The following RPH3A variants were observed in gnomAD, a reference collection of about 807,000 sequenced individuals.
RPH3A encodes the protein rabphilin-3A.
A neutral mutation model predicts 102.2 loss-of-function variants in RPH3A; 48 were observed. The ratio of observed to expected loss-of-function variants is 0.47; its 90% CI spans 0.37 to 0.60. The LOEUF (loss-of-function observed/expected upper bound fraction) is 0.60, where lower values mean the gene tolerates loss of function less well. Ranked by LOEUF, RPH3A falls within the 20% of genes least tolerant of loss-of-function variation. The pLI, the probability that RPH3A is intolerant of heterozygous loss-of-function variation, is 0.00. For missense variants in RPH3A, 781 were observed against 910.1 expected (o/e 0.86, Z 1.83); for synonymous variants, 310 against 324.3 (o/e 0.96, Z 0.47).
rs560292561 is a variant in RPH3A, at chr12:112,708,786, A to G, written c.-139-83357A>G. ...GCCTCCTGCGAAAATAGAAGGACCT[A>G]AAGGTACCAGGTGAAAGGGATGGCT... On this transcript the variant is annotated intron_variant, in intron 1 of 21. Coordinates refer to the RPH3A transcript ENST00000543106. 2.2e-4 allele frequency among the ~76,000 whole-genome samples: 33 copies of G among 152,236 alleles called. 1 individual carries two copies. In the South Asian group the frequency reaches 5.4e-3, roughly 25 times the overall value.
chr12:112,645,504 G>A (rs960807218), intron 1 of RPH3A, among the ~76,000 whole-genome samples: 1 of 152,164 alleles, frequency 6.6e-6, no homozygotes, highest in Non-Finnish European at 1.5e-5. Context: ...TTACGACTGT[G>A]TTTTAAGATT....
chr12:112,836,230 T>C (rs1015416508), intron 3 of RPH3A, among the ~76,000 whole-genome samples: 7 of 152,222 alleles, frequency 4.6e-5, no homozygotes, highest in Non-Finnish European at 8.8e-5. Flanking sequence ...ATTATTCAAA[T>C]ACATACACAA....
intron 1 of RPH3A, among the ~76,000 whole-genome samples, chr12:112,722,843 A>G (rs1289742278): frequency 1.5e-4 from 23 of 152,242 alleles, no homozygotes; most frequent in Admixed American, 1.4e-3. Flanking sequence ...GGGCTGCCAT[A>G]GCAGCCTGGT....
intron 3 of RPH3A, among the ~76,000 whole-genome samples, chr12:112,835,514 A>T (rs2042035023): frequency 1.3e-5 from 2 of 152,156 alleles, no homozygotes; most frequent in African/African-American, 4.8e-5. Context: ...GCTCCCATGA[A>T]ACATCTTGGC....
rs79058025 is a variant in RPH3A at position 112,675,541 on chromosome 12, G to A, written c.-140+100222G>A. On this transcript the variant is annotated intron_variant, in intron 1 of 21. Transcript: ENST00000543106. ...TGACCTGCTCAAGGTCCTCCTTCTCGTAGAAGGCAAAGCCTGGGTTTAACA... is the reference window on the plus strand; with the variant it reads ...TGACCTGCTCAAGGTCCTCCTTCTCATAGAAGGCAAAGCCTGGGTTTAACA... 1.5e-3 allele frequency among the ~76,000 whole-genome samples: 236 copies of A among 152,294 alleles called. 2 individuals carry two copies. The highest frequency in any genetic ancestry group is 5.4e-3 in the African/African-American group (224 of 41,562).
intron 1 of RPH3A, among the ~76,000 whole-genome samples, chr12:112,786,374 G>A (rs574108989): frequency 6.6e-6 from 1 of 152,270 alleles, no homozygotes; most frequent in Non-Finnish European, 1.5e-5. Flanking sequence ...TTCTCTCTCT[G>A]TCTCGTGTTC....
At chr12:112,809,285 C>A (rs780738768) in intron 2 of RPH3A, among the ~76,000 whole-genome samples, 16 of 152,148 alleles carry the variant, frequency 1.1e-4, no homozygotes, top group Non-Finnish European at 2.2e-4. Flanking sequence ...ATGCCAGTAT[C>A]TTTTGACCAT....
At chr12:112,660,186 A>T (rs1252126782) in intron 1 of RPH3A, among the ~76,000 whole-genome samples, 1 of 152,234 alleles carries the variant, frequency 6.6e-6, no homozygotes, top group East Asian at 1.9e-4. Flanking sequence ...ATAAATATAC[A>T]GACATGCATA....
chr12:112,634,918 C>T lies in RPH3A; in HGVS notation c.-140+59599C>T, dbSNP rs192339780. Among the ~76,000 whole-genome samples the T allele has an allele frequency of 1.9e-3, 282 of 152,326 alleles. 5 individuals are homozygous for T. Among genetic ancestry groups the T allele is most frequent in the East Asian group, 2.7e-3 (14 of 5,194 alleles). On this transcript the variant is annotated intron_variant, in intron 1 of 21. Coordinates refer to the RPH3A transcript ENST00000543106. ...GTGAAAATATTTAACTAGAATTTTA[C>T]ATCATTTTGTTTCCATTGTTTTTAC...
chr12:112,794,808 A>G (rs2041197981), intron 2 of RPH3A, among the ~76,000 whole-genome samples: 1 of 152,136 alleles, frequency 6.6e-6, no homozygotes, highest in South Asian at 2.1e-4. Context: ...TATGAAGACC[A>G]AGGCATCATC....
upstream of RPH3A, among the ~76,000 whole-genome samples, chr12:112,788,208 C>G (rs1224137760): frequency 3.9e-5 from 6 of 152,336 alleles, 1 homozygote; most frequent in African/African-American, 1.4e-4. Context: ...TCCTAGATGG[C>G]ATGGTGACCA....
chr12:112,613,533 G>T (rs1261243183), intron 1 of RPH3A, among the ~76,000 whole-genome samples: 1 of 152,170 alleles, frequency 6.6e-6, no homozygotes, highest in Non-Finnish European at 1.5e-5. Context: ...AGGATCTTGA[G>T]ATGTAGAGAT....
intron 1 of RPH3A, among the ~76,000 whole-genome samples, chr12:112,746,613 G>C (rs1377806035): frequency 1.3e-5 from 2 of 152,190 alleles, no homozygotes; most frequent in Non-Finnish European, 2.9e-5. Flanking sequence ...CAAAGAGTCA[G>C]CTTAAGTAAA....
chr12:112,879,907 C>G (rs747150575), intron 14 of RPH3A, among the ~76,000 whole-genome samples: 3 of 152,158 alleles, frequency 2.0e-5, no homozygotes, highest in Non-Finnish European at 2.9e-5. Context: ...TGACTTAAAC[C>G]CTCTGTGTCT....
chr12:112,783,233 T>C (rs2041020971), intron 1 of RPH3A, among the ~76,000 whole-genome samples: 1 of 151,972 alleles, frequency 6.6e-6, no homozygotes, highest in African/African-American at 2.4e-5. Flanking sequence ...GGAGAGAAAC[T>C]CCCCAGATGT....
intron 1 of RPH3A, among the ~76,000 whole-genome samples, chr12:112,756,714 C>G (rs2040825491): frequency 6.6e-6 from 1 of 152,200 alleles, no homozygotes; most frequent in Admixed American, 6.5e-5. Context: ...AATAACCCTG[C>G]ATCTACATCA....
rs2040650039 is a variant in RPH3A, at chr12:112,733,744, G to T, written c.-139-58399G>T. Among the ~76,000 whole-genome samples the T allele has an allele frequency of 1.3e-5, 2 of 152,176 alleles. 1 individual carries two copies. The highest frequency in any genetic ancestry group is 4.1e-4 in the South Asian group (2 of 4,824). On this transcript the variant is annotated intron_variant, in intron 1 of 21. Transcript: ENST00000543106. ...GCACTTCTCTGAGGCTGCCAAGTGA[G>T]GATTAAAGACAAGCGGATGTGCAAA...
At chr12:112,761,139 C>T (rs2040852553) in intron 1 of RPH3A, among the ~76,000 whole-genome samples, 1 of 152,112 alleles carries the variant, frequency 6.6e-6, no homozygotes, top group Admixed American at 6.6e-5. Context: ...GAACTCAGGT[C>T]ATGTAATCTC....
rs751228577 is a variant in RPH3A at position 112,783,606 on chromosome 12, C to T, written c.-139-8537C>T. 4.6e-5 allele frequency among the ~76,000 whole-genome samples: 7 copies of T among 152,290 alleles called. No individual in the cohort carries two copies. In the South Asian group the frequency reaches 8.3e-4, roughly 18 times the overall value. On this transcript the variant is annotated intron_variant, in intron 1 of 21. Transcript: ENST00000543106. ...ATATAGTAGTAGCTAATGTGTTGGG[C>T]ACCTACTATGTGCCAAGCCCTTTAT... is the stretch of plus-strand genomic sequence containing the variant.
Sources: allele counts gnomAD v4.1 joint callset (sites outside exome capture counted in the v4.1 genomes callset), GRCh38; gene constraint gnomAD v4.1.1; transcripts MANE v1.5; gene names NCBI Gene and HGNC (gene_info 2026-07-23, HGNC 2026-07-21).